The following TXNL4B variants were observed in gnomAD, a reference collection of about 807,000 sequenced individuals.
TXNL4B encodes thioredoxin-like protein 4B.
TXNL4B carries 12 observed loss-of-function variants against 13.0 expected under a neutral mutation model. The ratio of observed to expected loss-of-function variants is 0.92; its 90% CI spans 0.59 to 1.49. TXNL4B has a LOEUF of 1.49. Ranked by LOEUF, TXNL4B falls within the 40% of genes most tolerant of loss-of-function variation. The pLI, the probability that TXNL4B is intolerant of heterozygous loss-of-function variation, is 0.00. For synonymous variants in TXNL4B, 59 were observed against 58.9 expected (o/e 1.00, Z -0.01); for missense variants, 214 against 173.6 (o/e 1.23, Z -1.31).
rs2041955300 is a variant in TXNL4B, at chr16:72,093,573, A to G, written c.-244T>C. 1 of 152,330 alleles carries G rather than the reference A, an allele frequency of 6.6e-6. No individual in the cohort carries two copies. Among genetic ancestry groups the G allele is most frequent in the South Asian group, 2.1e-4 (1 of 4,840 alleles). The allele number at this position is 152,330 out of a possible 1,614,324, so 9.4% of individuals were successfully genotyped here. A position where few individuals can be genotyped will look rare whatever the true frequency, so the allele number is the denominator to read the frequency against. On this transcript the variant is annotated 5_prime_UTR_variant, in exon 1 of 4. Transcript: ENST00000268483. ...AACAGAAAACGCACAAGCGCAGAAA[A>G]GAAACTCCTGGCCGTCGGTCGGCCC...
chr16:72,089,792 C>G (rs1319529456), intron 2 of TXNL4B, among the ~76,000 whole-genome samples: 1 of 152,150 alleles, frequency 6.6e-6, no homozygotes, highest in Admixed American at 6.5e-5. Context: ...TTTGTTAACT[C>G]ATTTAATCCT....
At chr16:72,088,930 A>C in intron 3 of TXNL4B, 57 bp downstream of exon 3, 1 of 1,432,280 alleles carries the variant, frequency 7.0e-7, no homozygotes, top group Non-Finnish European at 9.6e-7. Flanking sequence ...AGCTACTGAA[A>C]ATGCTTACCA....
chr16:72,089,743 A>G (rs565037667), intron 2 of TXNL4B, among the ~76,000 whole-genome samples: 6 of 152,376 alleles, frequency 3.9e-5, no homozygotes, highest in Admixed American at 1.3e-4. Context: ...AGACACTTAT[A>G]TAACATTACT....
intron 2 of TXNL4B, among the ~76,000 whole-genome samples, chr16:72,089,604 C>T (rs1338721327): frequency 6.6e-6 from 1 of 152,198 alleles, no homozygotes; most frequent in Non-Finnish European, 1.5e-5. Context: ...TCTTTGAATG[C>T]TTTTATAAAA....
At chr16:72,087,698 C>T (rs1000999539) in intron 3 of TXNL4B, among the ~76,000 whole-genome samples, 1 of 151,886 alleles carries the variant, frequency 6.6e-6, no homozygotes, top group African/African-American at 2.4e-5. Flanking sequence ...TGGAGCCTTG[C>T]TCTGTCACCA....
At chr16:72,088,909 G>T in intron 3 of TXNL4B, 78 bp downstream of exon 3, 1 of 1,167,830 alleles carries the variant, frequency 8.6e-7, no homozygotes, top group Non-Finnish European at 1.2e-6. Context: ...AACATCACAT[G>T]GAAATAGGCA....
intron 3 of TXNL4B, among the ~76,000 whole-genome samples, chr16:72,087,974 C>A (rs964942173): frequency 2.2e-4 from 34 of 152,194 alleles, no homozygotes; most frequent in Admixed American, 2.0e-3. Flanking sequence ...CGCCCGCCAC[C>A]ACGCCCAGCT....
chr16:72,086,510 C>A lies in TXNL4B; in HGVS notation c.*127G>T. The A allele has an allele frequency of 1.2e-6, 1 of 829,320 alleles. No individual in the cohort carries two copies. The highest frequency in any genetic ancestry group is 1.8e-6 in the Non-Finnish European group (1 of 558,540). 51.4% of individuals were successfully genotyped at this position (829,320 alleles called of 1,614,324 possible). ...TTTTCCTCAGGGGCCGGGTTTTCTA[C>A]ACGCAAGTCAAACCTCTTCTCCTCT... On this transcript the variant is annotated 3_prime_UTR_variant, in exon 4 of 4. Transcript: ENST00000268483.
rs1293897142 is a variant in TXNL4B at position 72,090,600 on chromosome 16, T to TTA, written c.132+17_132+18insTA. ...ACAGATTATTAATAAAAACCAATTATTTTAGACATTCACTTACAATATCAT... is the reference window on the plus strand; with the variant it reads ...ACAGATTATTAATAAAAACCAATTATTATTTAGACATTCACTTACAATATCAT... On this transcript the variant is annotated intron_variant, in intron 2 of 3. Coordinates refer to ENST00000268483, the MANE Select transcript of TXNL4B (RefSeq NM_017853.3). 6.2e-7 allele frequency: 1 copy of TTA among 1,612,814 alleles called. No homozygotes were observed. The highest frequency in any genetic ancestry group is 1.7e-4 in the Middle Eastern group (1 of 6,040).
chr16:72,089,592 T>C (rs955984253), intron 2 of TXNL4B, among the ~76,000 whole-genome samples: 1 of 152,364 alleles, frequency 6.6e-6, no homozygotes, highest in Non-Finnish European at 1.5e-5. Context: ...CTTTAATTTC[T>C]TTCTTTGAAT....
intron 1 of TXNL4B, among the ~76,000 whole-genome samples, chr16:72,092,019 A>G (rs2041913134): frequency 6.6e-6 from 1 of 152,256 alleles, no homozygotes; most frequent in Non-Finnish European, 1.5e-5. Flanking sequence ...TTTTGTGGTC[A>G]TCTATAAGAG....
intron 3 of TXNL4B, among the ~76,000 whole-genome samples, chr16:72,087,628 AT>A (rs1290075652): frequency 6.7e-6 from 1 of 149,820 alleles, no homozygotes; most frequent in Non-Finnish European, 1.5e-5. Flanking sequence ...TTCCAGTAGA[AT>A]AAACAGCTTT....
intron 3 of TXNL4B, among the ~76,000 whole-genome samples, chr16:72,088,756 A>C (rs2041859152): frequency 6.6e-6 from 1 of 152,246 alleles, no homozygotes; most frequent in South Asian, 2.1e-4. Flanking sequence ...AAATTTGACA[A>C]ACCATGTGTA....
rs1279656106 is a variant in TXNL4B, at chr16:72,089,017, A to C, written c.254T>G (p.Phe85Cys). Residue 85 changes from phenylalanine (F) to cysteine (C), a missense_variant, in exon 3 of 4, where the codon TTC becomes TGC. Transcript: ENST00000268483. ...ATCCACTTTCATATGCTGCCCATTG[A>C]AGAAAAAGACAGTAGATGGAATATA... ...ISYIPSTVFF[F>C]NGQHMKVDYG... 1.2e-6 allele frequency: 2 copies of C among 1,611,226 alleles called. No individual in the cohort carries two copies. Among genetic ancestry groups the C allele is most frequent in the Non-Finnish European group, 1.7e-6 (2 of 1,177,734 alleles).
chr16:72,090,425 C>T (rs1435117325), intron 2 of TXNL4B, among the ~76,000 whole-genome samples, 193 bp downstream of exon 2: 1 of 152,170 alleles, frequency 6.6e-6, no homozygotes. Context: ...TGGGTAAGGA[C>T]ATCCAAGACA....
chr16:72,091,479 G>T (rs920679294), intron 1 of TXNL4B, among the ~76,000 whole-genome samples: 1 of 152,214 alleles, frequency 6.6e-6, no homozygotes, highest in Non-Finnish European at 1.5e-5. Context: ...CAGTCTAGAG[G>T]AGGATGAAGA....
Position 72,084,879 on chromosome 16 carries a change from C to G in TXNL4B, c.*1758G>C. On this transcript the variant is annotated 3_prime_UTR_variant, in exon 4 of 4. Transcript: ENST00000268483. ...GACTTAGGCAAAAAGAAATTTTATT[C>G]TTTCACAGAAGTCTGAGGCAGGCAG... 3 of 398,606 alleles carry G rather than the reference C, an allele frequency of 7.5e-6. No homozygotes were observed. Among genetic ancestry groups the G allele is most frequent in the Non-Finnish European group, 4.4e-6 (1 of 226,068 alleles). The allele number at this position is 398,606 out of a possible 1,614,324, so 24.7% of individuals were successfully genotyped here. A position where few individuals can be genotyped will look rare whatever the true frequency, so the allele number is the denominator to read the frequency against.
chr16:72,093,265 G>C (rs539805537), intron 1 of TXNL4B, 102 bp downstream of exon 1: 1 of 152,242 alleles, frequency 6.6e-6, no homozygotes, highest in Non-Finnish European at 1.5e-5. Flanking sequence ...ATTTACAGCC[G>C]GGCGCGCATC....
upstream of TXNL4B, chr16:72,093,975 CCTGT>C (rs1205553417): frequency 2.0e-5 from 3 of 152,444 alleles, no homozygotes; most frequent in Admixed American, 6.5e-5. Context: ...GCTCCTTGAG[CCTGT>C]CTGAGCGAGG....
Sources: gnomAD v4.1 joint callset for allele counts (sites outside exome capture counted in the v4.1 genomes callset) on GRCh38, gnomAD v4.1.1 for gene constraint, MANE v1.5 for transcripts, NCBI Gene and HGNC (gene_info 2026-07-23, HGNC 2026-07-21) for gene names.